The following HHAT variants were observed in gnomAD, a reference collection of about 807,000 sequenced individuals.
HHAT encodes the protein hedgehog acyltransferase.
A neutral mutation model predicts 70.8 loss-of-function variants in HHAT; 47 were observed. The ratio of observed to expected loss-of-function variants is 0.66; its 90% CI spans 0.53 to 0.85. The LOEUF is 0.85. Ranked by LOEUF, HHAT falls within the 40% of genes least tolerant of loss-of-function variation. HHAT has a pLI of 0.00. For synonymous variants in HHAT, 228 were observed against 247.6 expected (o/e 0.92, Z 0.74); for missense variants, 609 against 604.8 (o/e 1.01, Z -0.07).
chr1:210,450,163 C>T (rs561085416), intron 7 of HHAT, among the ~76,000 whole-genome samples: 17 of 151,976 alleles, frequency 1.1e-4, no homozygotes, highest in African/African-American at 2.9e-4. Flanking sequence ...TGATGGTGGA[C>T]GCCTGTAATT....
At chr1:210,352,638 C>T (rs936916581) in intron 2 of HHAT, among the ~76,000 whole-genome samples, 9 of 152,106 alleles carry the variant, frequency 5.9e-5, no homozygotes, top group African/African-American at 1.9e-4. Context: ...TCTCTATCAG[C>T]AGTAGTGGGG....
At chr1:210,653,063 G>T (rs1452716815) in intron 11 of HHAT, among the ~76,000 whole-genome samples, 4 of 152,148 alleles carry the variant, frequency 2.6e-5, no homozygotes, top group Admixed American at 2.0e-4. Flanking sequence ...AGGCCACCAG[G>T]TGAATCACTT....
chr1:210,615,227 G>A (rs1284718073), intron 10 of HHAT, among the ~76,000 whole-genome samples: 2 of 152,160 alleles, frequency 1.3e-5, no homozygotes, highest in African/African-American at 4.8e-5. Context: ...AGAAGTGTCT[G>A]TTCATATCCT....
chr1:210,473,980 C>G lies in HHAT; in HGVS notation c.1007+9325C>G, dbSNP rs540012112. On this transcript the variant is annotated intron_variant, in intron 8 of 11. Coordinates refer to ENST00000261458, the MANE Select transcript of HHAT (RefSeq NM_018194.6). ...ATATTTACAGAATATTTGGATATGT[C>G]AATTTCACATTTATATGCAATTAAG... Among the ~76,000 whole-genome samples the G allele has an allele frequency of 2.6e-5, 4 of 152,294 alleles. No homozygotes were observed. In the South Asian group the frequency reaches 8.3e-4, roughly 32 times the overall value.
chr1:210,572,123 C>G (rs553723002), intron 9 of HHAT, among the ~76,000 whole-genome samples: 1 of 152,106 alleles, frequency 6.6e-6, no homozygotes, highest in Non-Finnish European at 1.5e-5. Context: ...TCATTCATGC[C>G]CAAGCTCAAG....
At chr1:210,343,345 T>C (rs753182493) in intron 1 of HHAT, among the ~76,000 whole-genome samples, 5 of 151,378 alleles carry the variant, frequency 3.3e-5, no homozygotes, top group African/African-American at 9.8e-5. Flanking sequence ...TCCTTTAAAA[T>C]AGTTACTTTT....
intron 10 of HHAT, among the ~76,000 whole-genome samples, chr1:210,613,565 G>C (rs548956331): frequency 1.3e-5 from 2 of 152,150 alleles, no homozygotes; most frequent in African/African-American, 4.8e-5. Flanking sequence ...CTGCAACTTT[G>C]TTCTGCTTTT....
intron 2 of HHAT, among the ~76,000 whole-genome samples, chr1:210,356,094 ATTTTTT>A (rs11449276): frequency 7.1e-6 from 1 of 140,002 alleles, no homozygotes; most frequent in South Asian, 2.3e-4. Context: ...TTGCTTGGCT[ATTTTTT>A]TTTTTTTTTG....
chr1:210,483,158 C>T (rs1362200408), intron 8 of HHAT, among the ~76,000 whole-genome samples: 1 of 152,144 alleles, frequency 6.6e-6, no homozygotes, highest in Non-Finnish European at 1.5e-5. Flanking sequence ...CCCTTTGTCA[C>T]TGTGACTCTT....
intron 7 of HHAT, among the ~76,000 whole-genome samples, chr1:210,463,317 T>G (rs537693581): frequency 6.6e-6 from 1 of 152,190 alleles, no homozygotes; most frequent in Non-Finnish European, 1.5e-5. Context: ...CTTTTATTCA[T>G]TGCTGCCCTC....
intron 8 of HHAT, among the ~76,000 whole-genome samples, chr1:210,484,415 A>C (rs184272176): frequency 6.6e-6 from 1 of 151,970 alleles, no homozygotes; most frequent in Non-Finnish European, 1.5e-5. Context: ...ACCATGTCCA[A>C]CTCTGCCCAT....
chr1:210,540,432 T>C (rs538085766), intron 9 of HHAT, among the ~76,000 whole-genome samples: 9 of 139,342 alleles, frequency 6.5e-5, no homozygotes, highest in African/African-American at 2.2e-4. Context: ...AAATAGGAGA[T>C]TTTTTCCCTC....
At chr1:210,459,915 A>G (rs1261365193) in intron 7 of HHAT, among the ~76,000 whole-genome samples, 1 of 152,230 alleles carries the variant, frequency 6.6e-6, no homozygotes, top group Non-Finnish European at 1.5e-5. Flanking sequence ...GCAGTCAGAC[A>G]TCAGCCAGGG....
intron 3 of HHAT, among the ~76,000 whole-genome samples, chr1:210,373,777 GTAGA>G (rs1228539442): frequency 2.0e-5 from 3 of 152,182 alleles, no homozygotes; most frequent in East Asian, 3.8e-4. Flanking sequence ...TTGTTACTAG[GTAGA>G]TAGATAATAG....
At chr1:210,621,657 C>G (rs1323466114) in intron 10 of HHAT, among the ~76,000 whole-genome samples, 1 of 152,190 alleles carries the variant, frequency 6.6e-6, no homozygotes, top group Non-Finnish European at 1.5e-5. Flanking sequence ...CTCTCATTAA[C>G]AGTTTTCACA....
chr1:210,669,713 A>C (rs2148981017), intron 11 of HHAT, among the ~76,000 whole-genome samples: 1 of 152,354 alleles, frequency 6.6e-6, no homozygotes, highest in South Asian at 2.1e-4. Context: ...AGGAAATTAC[A>C]CATATTGATT....
At chr1:210,660,838 G>C (rs1363266097) in intron 11 of HHAT, among the ~76,000 whole-genome samples, 1 of 152,094 alleles carries the variant, frequency 6.6e-6, no homozygotes, top group Non-Finnish European at 1.5e-5. Flanking sequence ...TTAATAAATG[G>C]TGCTGGGAAA....
At chr1:210,560,421 G>A (rs2095610742) in intron 9 of HHAT, among the ~76,000 whole-genome samples, 1 of 152,026 alleles carries the variant, frequency 6.6e-6, no homozygotes. Context: ...GTTATTCCCT[G>A]AGGAGACCTC....
At chr1:210,559,456 T>C (rs1285728942) in intron 9 of HHAT, among the ~76,000 whole-genome samples, 1 of 152,236 alleles carries the variant, frequency 6.6e-6, no homozygotes, top group Admixed American at 6.5e-5. Flanking sequence ...AAATCTAGTT[T>C]TAAATTCCAT....
Sources: allele counts gnomAD v4.1 joint callset (sites outside exome capture counted in the v4.1 genomes callset), GRCh38; gene constraint gnomAD v4.1.1; transcripts MANE v1.5; gene names NCBI Gene and HGNC (gene_info 2026-07-23, HGNC 2026-07-21).